Variants in ZRANB1 observed in about 807,000 individuals in gnomAD.
ZRANB1 encodes the protein ubiquitin thioesterase ZRANB1.
In ZRANB1, 16 loss-of-function variants were observed where a neutral mutation model predicts 80.5. The ratio of observed to expected loss-of-function variants is 0.20; its 90% confidence interval spans 0.13 to 0.30. The LOEUF (loss-of-function observed/expected upper bound fraction) is 0.30. ZRANB1 is among the 10% of genes least tolerant of loss of function. ZRANB1 has a pLI of 1.00. For missense variants in ZRANB1, 576 were observed against 862.6 expected (o/e 0.67, Z 4.16); for synonymous variants, 291 against 293.1 (o/e 0.99, Z 0.07).
At chr10:124,956,683 G>A (rs1418010708) in intron 1 of ZRANB1, among the ~76,000 whole-genome samples, 1 of 152,162 alleles carries the variant, frequency 6.6e-6, no homozygotes, top group African/African-American at 2.4e-5. Flanking sequence ...TGTTGGCTAG[G>A]CTGGTCTCGA....
the ZRANB1 span, among the ~76,000 whole-genome samples, chr10:124,925,957 T>C: frequency 2.0e-5 from 3 of 152,374 alleles, no homozygotes; most frequent in East Asian, 3.9e-4. Flanking sequence ...CCATGGGTTA[T>C]AGCCTGTTGT....
chr10:124,979,894 G>A (rs1176497507), intron 5 of ZRANB1, among the ~76,000 whole-genome samples: 2 of 152,162 alleles, frequency 1.3e-5, no homozygotes, highest in Non-Finnish European at 2.9e-5. Flanking sequence ...CTGGGCTATC[G>A]TTATGTCATT....
At chr10:124,931,745 C>T in the ZRANB1 span, among the ~76,000 whole-genome samples, 2 of 152,212 alleles carry the variant, frequency 1.3e-5, no homozygotes, top group Admixed American at 6.5e-5. Context: ...AGTTCCCATA[C>T]ACCTGCTGCC....
the ZRANB1 span, among the ~76,000 whole-genome samples, chr10:124,925,779 C>G: frequency 6.6e-6 from 1 of 152,268 alleles, no homozygotes; most frequent in Admixed American, 6.5e-5. Flanking sequence ...ATGTGGCTGT[C>G]TGGTTATCCC....
chr10:124,979,583 A>ATTT (rs768324160), intron 5 of ZRANB1, among the ~76,000 whole-genome samples: 3 of 152,024 alleles, frequency 2.0e-5, no homozygotes, highest in Non-Finnish European at 4.4e-5. Context: ...ATCTGAAGAG[A>ATTT]TTTTTGTCTA....
intron 3 of ZRANB1, 42 bp downstream of exon 3, chr10:124,972,160 T>C (rs758696539): frequency 6.3e-7 from 1 of 1,587,288 alleles, no homozygotes; most frequent in East Asian, 2.2e-5. Context: ...TTTATTTTAT[T>C]ATAGTTACAT....
Position 124,973,577 on chromosome 10 carries a change from G to A in ZRANB1, c.1157-68G>A, listed in dbSNP as rs577460509. 1.9e-5 allele frequency: 26 copies of A among 1,356,414 alleles called. No individual in the cohort carries two copies. In the South Asian group the frequency reaches 3.0e-4, roughly 16 times the overall value. The allele number at this position is 1,356,414 out of a possible 1,614,324, so 84.0% of individuals were successfully genotyped here. A position where few individuals can be genotyped will look rare whatever the true frequency, so the allele number is the denominator to read the frequency against. ...AGTTACTAGTAGGTAATTAATAAGTGTAATTAAGTATAAGTTAAGTGTAAG... is the reference window on the plus strand; with the variant it reads ...AGTTACTAGTAGGTAATTAATAAGTATAATTAAGTATAAGTTAAGTGTAAG... On this transcript the variant is annotated intron_variant, in intron 3 of 8. Transcript: ENST00000359653.
In ZRANB1 at chr10:124,983,369, G is replaced by GAT; in HGVS notation, c.1678+66_1678+67insTA. 1 of 1,600,828 alleles carries GAT rather than the reference G, an allele frequency of 6.2e-7. No homozygotes were observed. Among genetic ancestry groups the GAT allele is most frequent in the Non-Finnish European group, 8.5e-7 (1 of 1,171,912 alleles). The stretch of plus-strand genomic sequence containing the variant: ...ACGGAATGGCTCAGATGTCAGGAAG[G>GAT]AGCAGTGGACAGGGGAATGTGAACA... On this transcript the variant is annotated intron_variant, in intron 7 of 8. Transcript: ENST00000359653. This position sits in a 1 kb window ranked among gnomAD's most constrained non-coding sequence, Gnocchi z 6.2.
the ZRANB1 span, among the ~76,000 whole-genome samples, chr10:124,922,960 C>A: frequency 1.3e-5 from 2 of 152,068 alleles, no homozygotes; most frequent in African/African-American, 4.8e-5. Context: ...AATTCGAGTC[C>A]AGTCTGGGTG....
At chr10:124,982,255 A>G (rs376981409) in intron 6 of ZRANB1, among the ~76,000 whole-genome samples, 28 of 152,156 alleles carry the variant, frequency 1.8e-4, no homozygotes, top group African/African-American at 6.5e-4. Context: ...TGGTGTAGGT[A>G]CTTGCATTGC....
chr10:124,972,776 G>GTT (rs200331458), intron 3 of ZRANB1, among the ~76,000 whole-genome samples: 110 of 141,794 alleles, frequency 7.8e-4, no homozygotes, highest in African/African-American at 2.5e-3. Flanking sequence ...TTTTGTTGCT[G>GTT]TTTTTTTTTT....
At chr10:124,933,980 C>T in the ZRANB1 span, among the ~76,000 whole-genome samples, 7 of 152,178 alleles carry the variant, frequency 4.6e-5, no homozygotes, top group Non-Finnish European at 1.0e-4. Flanking sequence ...TTAAGATCTT[C>T]TTTCATTCTA....
In ZRANB1 at chr10:124,984,849, G is replaced by A. The variant is rs1951997878; in HGVS notation, c.1984G>A (p.Val662Ile). Residue 662 changes from valine (V) to isoleucine (I), a missense_variant, in exon 9 of 9, where the codon GTT becomes ATT. Physicochemically the swap from Val to Ile is conservative, Grantham distance 29. Coordinates refer to ENST00000359653, the MANE Select transcript of ZRANB1 (RefSeq NM_017580.3). ...DCCVTEGGVL[V>I]AMQKSSRRRN... is the part of the protein sequence containing the mutation. ...CTGTGTGACGGAGGGGGGAGTTCTG[G>A]TTGCCATGCAGAAGAGTTCTCGGCG... is the stretch of plus-strand genomic sequence containing the variant. 1 of 1,613,880 alleles carries A rather than the reference G, an allele frequency of 6.2e-7. No homozygotes were observed. The highest frequency in any genetic ancestry group is 1.1e-5 in the South Asian group (1 of 91,066).
the ZRANB1 span, among the ~76,000 whole-genome samples, chr10:124,927,743 G>T: frequency 2.0e-5 from 3 of 152,150 alleles, no homozygotes; most frequent in Non-Finnish European, 4.4e-5. Context: ...AAGTGGTAAA[G>T]AAGGGATTAA....
the ZRANB1 span, among the ~76,000 whole-genome samples, chr10:124,927,561 A>G: frequency 6.6e-6 from 1 of 152,194 alleles, no homozygotes. Flanking sequence ...TTTTTGTGGA[A>G]TACTATCTTT....
At chr10:124,963,554 GTTTT>G (rs760813299) in intron 1 of ZRANB1, among the ~76,000 whole-genome samples, 194 of 57,522 alleles carry the variant, frequency 3.4e-3, no homozygotes, top group Non-Finnish European at 4.9e-3. Context: ...TTTTTTGTTT[GTTTT>G]TTTTTTTTTT....
chr10:124,981,947 G>A, intron 6 of ZRANB1, 118 bp downstream of exon 6: 1 of 1,261,588 alleles, frequency 7.9e-7, no homozygotes, highest in East Asian at 2.4e-5. Flanking sequence ...TGCTTGACGT[G>A]GTATCATCAG....
At chr10:124,924,848 A>C in the ZRANB1 span, among the ~76,000 whole-genome samples, 1 of 151,488 alleles carries the variant, frequency 6.6e-6, no homozygotes, top group African/African-American at 2.4e-5. Context: ...GTCATGTGCT[A>C]ATTATGTTTA....
chr10:124,941,166 G>A (rs1038896143), upstream of ZRANB1, among the ~76,000 whole-genome samples: 3 of 149,278 alleles, frequency 2.0e-5, no homozygotes, highest in Non-Finnish European at 4.4e-5. Flanking sequence ...AAAGTATTTA[G>A]GAAAAGTGGC....
Sources: allele counts gnomAD v4.1 joint callset (sites outside exome capture counted in the v4.1 genomes callset), GRCh38; gene constraint gnomAD v4.1.1; non-coding constraint Gnocchi (gnomAD v3.1); transcripts MANE v1.5; gene names NCBI Gene and HGNC (gene_info 2026-07-23, HGNC 2026-07-21).